The following TFB1M variants were observed in gnomAD, a reference collection of about 807,000 sequenced individuals.
The protein encoded by TFB1M is dimethyladenosine transferase 1, mitochondrial.
TFB1M carries 27 observed loss-of-function variants against 31.1 expected under a neutral mutation model. That is an observed-to-expected ratio of 0.87 (90% CI 0.64 to 1.20). TFB1M has a LOEUF of 1.20. Ranked by LOEUF, TFB1M falls within the 50% of genes most tolerant of loss-of-function variation. The pLI, the probability that TFB1M is intolerant of heterozygous loss-of-function variation, is 0.00. For synonymous variants in TFB1M, 166 were observed against 151.8 expected, an observed-to-expected ratio of 1.09 and a Z score of -0.69; for missense variants, 394 against 418.7, an observed-to-expected ratio of 0.94 and a Z score of 0.51.
At chr6:155,252,496 GATAA>G (rs2115356978), downstream of TFB1M, among the ~76,000 whole-genome samples, 1 of 152,160 alleles carries the variant, frequency 6.6e-6, no homozygotes, top group South Asian at 2.1e-4. Flanking sequence ...AAATAAAGTA[GATAA>G]ATACTCATAT....
At chr6:155,233,612 C>T in the TFB1M span, among the ~76,000 whole-genome samples, 2 of 152,168 alleles carry the variant, frequency 1.3e-5, no homozygotes, top group African/African-American at 4.8e-5. Context: ...GTGGGATGCT[C>T]CTCATCTATA....
At chr6:155,297,243 T>C (rs1777218930) in intron 3 of TFB1M, 139 bp from the exon 4 acceptor site, 6 of 881,982 alleles carry the variant, frequency 6.8e-6, no homozygotes, top group East Asian at 5.3e-5. Context: ...ATTTTTTTTT[T>C]CACTTATTAT....
intron 4 of TFB1M, among the ~76,000 whole-genome samples, chr6:155,290,361 G>C (rs1373883803): frequency 6.8e-6 from 1 of 146,984 alleles, no homozygotes; most frequent in African/African-American, 2.5e-5. Flanking sequence ...ACTCCAGCCT[G>C]GGTGACAGAG....
intron 5 of TFB1M, among the ~76,000 whole-genome samples, chr6:155,278,284 C>T (rs144005153): frequency 0.012 from 1,787 of 152,342 alleles, 12 homozygotes; most frequent in Non-Finnish European, 0.019. Flanking sequence ...AAGCCCGCAT[C>T]TGCACTCGCA....
chr6:155,292,163 G>T (rs1031977375), intron 4 of TFB1M, among the ~76,000 whole-genome samples: 1 of 152,144 alleles, frequency 6.6e-6, no homozygotes, highest in African/African-American at 2.4e-5. Context: ...GAGCCTAGAG[G>T]TCTCCTGGGC....
At chr6:155,275,849 A>G (rs1267394344) in intron 5 of TFB1M, 3 of 1,614,140 alleles carry the variant, frequency 1.9e-6, no homozygotes, top group Non-Finnish European at 2.5e-6. Flanking sequence ...CATAACAGCC[A>G]TTGTACAGCT....
the TFB1M span, chr6:155,244,762 A>G: frequency 6.2e-7 from 1 of 1,613,500 alleles, no homozygotes; most frequent in East Asian, 2.2e-5. Context: ...TTAACACCCT[A>G]GAAACCCCCT....
At chr6:155,231,369 A>G in the TFB1M span, among the ~76,000 whole-genome samples, 288 of 152,308 alleles carry the variant, frequency 1.9e-3, no homozygotes, top group Non-Finnish European at 3.5e-3. Context: ...TTGGAGCAGC[A>G]TTTCTTCCTC....
At chr6:155,283,656 A>C (rs1430498866) in intron 5 of TFB1M, among the ~76,000 whole-genome samples, 1 of 152,220 alleles carries the variant, frequency 6.6e-6, no homozygotes, top group Non-Finnish European at 1.5e-5. Flanking sequence ...ATATTCGAAT[A>C]TCTATCCTAA....
At chr6:155,262,533 G>C (rs764179363) in intron 5 of TFB1M, among the ~76,000 whole-genome samples, 7 of 152,086 alleles carry the variant, frequency 4.6e-5, no homozygotes, top group Non-Finnish European at 8.8e-5. Context: ...AGTTCTCCCA[G>C]TGACAAAGAG....
At chr6:155,312,525 CCTT>C (rs1459825030) in intron 1 of TFB1M, among the ~76,000 whole-genome samples, 2 of 152,170 alleles carry the variant, frequency 1.3e-5, no homozygotes, top group East Asian at 1.9e-4. Flanking sequence ...TTAATACTCT[CCTT>C]CTTTAAAATG....
chr6:155,271,182 T>A (rs191815115), intron 5 of TFB1M, among the ~76,000 whole-genome samples: 94 of 152,348 alleles, frequency 6.2e-4, no homozygotes, highest in African/African-American at 2.1e-3. Flanking sequence ...TTGTTAAATT[T>A]AAAAATCCAA....
chr6:155,250,880 G>A, the TFB1M span: 84 of 1,598,388 alleles, frequency 5.3e-5, no homozygotes, highest in Middle Eastern at 5.0e-4. Context: ...TGGGATTTCC[G>A]TATCTTCCTT....
chr6:155,254,399 T>G, downstream of TFB1M: 1 of 1,607,872 alleles, frequency 6.2e-7, no homozygotes, highest in South Asian at 1.1e-5. Context: ...TTCTGCTGTT[T>G]TCTCTCCCCC....
chr6:155,254,727 C>T, downstream of TFB1M: 1 of 960,720 alleles, frequency 1.0e-6, no homozygotes, highest in Non-Finnish European at 1.5e-6. Context: ...CCTCTTGCTC[C>T]CAGACGTTCT....
At chr6:155,274,870 A>G (rs1785094192) in intron 5 of TFB1M, among the ~76,000 whole-genome samples, 1 of 152,254 alleles carries the variant, frequency 6.6e-6, no homozygotes, top group South Asian at 2.1e-4. Flanking sequence ...CATCTTTAAA[A>G]GGTGGCCTTA....
In TFB1M at chr6:155,257,401, A is replaced by AAGTT; in HGVS notation, c.*431_*434dup. The stretch of plus-strand genomic sequence containing the variant: ...TCCTTAAAATTACATTCTAATAATT[A>AAGTT]AGTTATGTGGAAAAAGTAAGGCTGG... On this transcript the variant is annotated 3_prime_UTR_variant, in exon 7 of 7. Transcript: ENST00000367166. The AAGTT allele has an allele frequency of 2.5e-6, 1 of 396,604 alleles. No homozygotes were observed. The highest frequency in any genetic ancestry group is 4.5e-6 in the Non-Finnish European group (1 of 222,904). The allele number at this position is 396,604 out of a possible 1,614,324, so 24.6% of individuals were successfully genotyped here. A position where few individuals can be genotyped will look rare whatever the true frequency, so the allele number is the denominator to read the frequency against.
At chr6:155,276,175 TCC>T in intron 5 of TFB1M, 1 of 1,614,136 alleles carries the variant, frequency 6.2e-7, no homozygotes, top group Non-Finnish European at 8.5e-7. Flanking sequence ...ATCTGACAGT[TCC>T]AGAAAGCAAC....
chr6:155,304,373 A>T (rs1439328017), intron 2 of TFB1M, among the ~76,000 whole-genome samples: 1 of 152,186 alleles, frequency 6.6e-6, no homozygotes, highest in Admixed American at 6.5e-5. Context: ...CAACCACATA[A>T]TTTAATGGTT....
Sources: allele counts gnomAD v4.1 joint callset (sites outside exome capture counted in the v4.1 genomes callset), GRCh38; gene constraint gnomAD v4.1.1; transcripts MANE v1.5; gene names NCBI Gene and HGNC (gene_info 2026-07-23, HGNC 2026-07-21).